Variants in PRKG2 observed in about 807,000 individuals in gnomAD.
PRKG2 encodes cGMP-dependent protein kinase 2.
PRKG2 carries 33 observed loss-of-function variants against 97.2 expected under a neutral mutation model. That is an observed-to-expected ratio of 0.34 (90% CI 0.26 to 0.45). The LOEUF is 0.45. PRKG2 is among the 20% of genes least tolerant of loss of function. PRKG2 has a pLI of 1.00. For missense variants in PRKG2, 638 were observed against 900.0 expected, an observed-to-expected ratio of 0.71 and a Z score of 3.73; for synonymous variants, 330 against 321.8, an observed-to-expected ratio of 1.03 and a Z score of -0.27.
rs766205619 is a variant in PRKG2 at position 81,169,648 on chromosome 4, A to G, written c.848+15T>C. On this transcript the variant is annotated intron_variant, in intron 5 of 18. Coordinates refer to ENST00000264399, the MANE Select transcript of PRKG2 (RefSeq NM_006259.3). ...ACTCCACTGTCTTCACTGTCTCCCAATGTATTATTCTTACCTTCTGAGGAA... is the reference window on the plus strand; with the variant it reads ...ACTCCACTGTCTTCACTGTCTCCCAGTGTATTATTCTTACCTTCTGAGGAA... The G allele has an allele frequency of 1.3e-5, 20 of 1,531,196 alleles. No homozygotes were observed. The highest frequency in any genetic ancestry group is 6.9e-5 in the Admixed American group (4 of 57,642). The allele number at this position is 1,531,196 out of a possible 1,614,324, so 94.9% of individuals were successfully genotyped here. A position where few individuals can be genotyped will look rare whatever the true frequency, so the allele number is the denominator to read the frequency against.
chr4:81,119,895 T>C (rs1017819167), intron 14 of PRKG2, among the ~76,000 whole-genome samples: 73 of 152,194 alleles, frequency 4.8e-4, no homozygotes, highest in Middle Eastern at 3.4e-3. Flanking sequence ...AGGATGGTCT[T>C]GATCTCCTGA....
intron 17 of PRKG2, among the ~76,000 whole-genome samples, chr4:81,101,566 T>C (rs1578337419): frequency 2.1e-5 from 1 of 46,700 alleles, no homozygotes; most frequent in East Asian, 7.4e-4. Context: ...GGGCCTGTTG[T>C]GGGGTGGGGG....
At chr4:81,161,313 A>T (rs576564739) in intron 6 of PRKG2, among the ~76,000 whole-genome samples, 5 of 152,282 alleles carry the variant, frequency 3.3e-5, no homozygotes, top group East Asian at 3.9e-4. Flanking sequence ...ACTTTCCTCA[A>T]CCCATAAAAT....
chr4:81,192,749 C>G (rs929128255), intron 2 of PRKG2, among the ~76,000 whole-genome samples: 5 of 151,708 alleles, frequency 3.3e-5, no homozygotes, highest in South Asian at 4.2e-4. Flanking sequence ...GTTATGAAAA[C>G]CATAGAACAA....
intron 17 of PRKG2, among the ~76,000 whole-genome samples, chr4:81,100,334 A>C (rs144265302): frequency 0.065 from 9,872 of 152,232 alleles, 465 homozygotes; most frequent in Middle Eastern, 0.13. Context: ...CTACAGTAAC[A>C]AAAACAGCAT....
intron 9 of PRKG2, among the ~76,000 whole-genome samples, chr4:81,146,609 T>C (rs943796172): frequency 2.0e-5 from 3 of 152,226 alleles, no homozygotes; most frequent in Non-Finnish European, 2.9e-5. Flanking sequence ...TCAGTCACTA[T>C]ATTTCATTGC....
intron 15 of PRKG2, 112 bp downstream of exon 15, chr4:81,110,336 T>A: frequency 2.6e-6 from 3 of 1,167,724 alleles, no homozygotes; most frequent in Non-Finnish European, 3.6e-6. Context: ...TCATACTTAA[T>A]CGAAAACATT....
chr4:81,166,220 T>C (rs1749969529), intron 6 of PRKG2, among the ~76,000 whole-genome samples: 3 of 152,150 alleles, frequency 2.0e-5, no homozygotes, highest in Admixed American at 2.0e-4. Flanking sequence ...AAATGGTCCC[T>C]ACTCCCTGCT....
intron 6 of PRKG2, among the ~76,000 whole-genome samples, chr4:81,154,559 C>T (rs1748812089): frequency 6.9e-6 from 1 of 145,016 alleles, no homozygotes; most frequent in African/African-American, 2.9e-5. Flanking sequence ...GCTGAGGGTC[C>T]TGTCTGTTAG....
Position 81,138,896 on chromosome 4 carries a change from G to A in PRKG2, c.1545-1414C>T, listed in dbSNP as rs564880434. Among the ~76,000 whole-genome samples, 11 of 152,246 alleles carry A rather than the reference G, an allele frequency of 7.2e-5. No homozygotes were observed. The South Asian group carries it at 2.3e-3, about 32-fold the overall frequency. ...GACTCTCTATTGCCAGCACTGCCTG[G>A]GTTCAAACTTCTTTGTTGATCTTGG... On this transcript the variant is annotated intron_variant, in intron 12 of 18. Coordinates refer to ENST00000264399, the MANE Select transcript of PRKG2 (RefSeq NM_006259.3).
intron 17 of PRKG2, among the ~76,000 whole-genome samples, chr4:81,099,738 A>T (rs1342250784): frequency 6.6e-6 from 1 of 152,152 alleles, no homozygotes; most frequent in Non-Finnish European, 1.5e-5. Context: ...GAAGGAAATA[A>T]AGGGTATTCA....
chr4:81,173,376 A>G lies in PRKG2; in HGVS notation c.628+1417T>C, dbSNP rs188772713. Among the ~76,000 whole-genome samples the G allele has an allele frequency of 3.3e-4, 50 of 152,232 alleles. 1 individual carries two copies. Among genetic ancestry groups the G allele is most frequent in the African/African-American group, 1.2e-3 (49 of 41,560 alleles). On this transcript the variant is annotated intron_variant, in intron 3 of 18. Transcript: ENST00000264399. ...TTCTCTCCCTGAGCCTTTCATCAGA[A>G]CTACTTGGGAAGGAACGAGATAGGC...
chr4:81,152,911 T>A (rs890373076), intron 7 of PRKG2, among the ~76,000 whole-genome samples: 35 of 152,138 alleles, frequency 2.3e-4, no homozygotes, highest in African/African-American at 8.4e-4. Flanking sequence ...ACAATCCAGT[T>A]TACAAATGGC....
At chr4:81,131,101 G>A (rs1487202659) in intron 14 of PRKG2, among the ~76,000 whole-genome samples, 1 of 152,172 alleles carries the variant, frequency 6.6e-6, no homozygotes, top group Non-Finnish European at 1.5e-5. Flanking sequence ...TTGAAACCCA[G>A]GGCCCTGATG....
intron 9 of PRKG2, among the ~76,000 whole-genome samples, 165 bp from the exon 10 acceptor site, chr4:81,144,495 T>TA (rs1747613135): frequency 6.6e-6 from 1 of 152,066 alleles, no homozygotes; most frequent in Admixed American, 6.5e-5. Context: ...CAAGGGTTAT[T>TA]AAAAGCTATA....
intron 17 of PRKG2, among the ~76,000 whole-genome samples, chr4:81,101,571 TG>T (rs1742779008): frequency 2.6e-5 from 1 of 38,212 alleles, no homozygotes. Flanking sequence ...TGTTGTGGGG[TG>T]GGGGGAGGGG....
At position 81,123,484 on chromosome 4, in the gene PRKG2, A is replaced by G. The variant is rs573114350; in HGVS notation, c.1776+11671T>C. On this transcript the variant is annotated intron_variant, in intron 14 of 18. Transcript: ENST00000264399. ...CAGTGGCACGATCTCGGCTCACTGT[A>G]AGCTCTGCCTCCCAGGTTCACGCCA... is the stretch of plus-strand genomic sequence containing the variant. Among the ~76,000 whole-genome samples the G allele has an allele frequency of 3.3e-5, 5 of 152,314 alleles. No homozygotes were observed. In the East Asian group the frequency reaches 7.7e-4, roughly 24 times the overall value.
chr4:81,214,457 G>A (rs1463512290), intron 1 of PRKG2, among the ~76,000 whole-genome samples: 2 of 150,800 alleles, frequency 1.3e-5, no homozygotes, highest in African/African-American at 4.9e-5. Context: ...GCCTCACGGT[G>A]CCCAGAGTGA....
chr4:81,191,190 C>T (rs1752454324), intron 2 of PRKG2, among the ~76,000 whole-genome samples: 1 of 152,112 alleles, frequency 6.6e-6, no homozygotes, highest in South Asian at 2.1e-4. Flanking sequence ...ATCCAAATGC[C>T]CATCAGTGAT....
Sources: gnomAD v4.1 joint callset for allele counts (sites outside exome capture counted in the v4.1 genomes callset) on GRCh38, gnomAD v4.1.1 for gene constraint, MANE v1.5 for transcripts, NCBI Gene and HGNC (gene_info 2026-07-23, HGNC 2026-07-21) for gene names.